The following DENND2C variants were observed in gnomAD, a reference collection of about 807,000 sequenced individuals.
DENND2C encodes DENN domain containing 2C.
A neutral mutation model predicts 112.4 loss-of-function variants in DENND2C; 72 were observed. The ratio of observed to expected loss-of-function variants is 0.64; its 90% CI spans 0.53 to 0.78. DENND2C has a LOEUF of 0.78. Ranked by LOEUF, DENND2C falls within the 30% of genes least tolerant of loss-of-function variation. DENND2C has a pLI of 0.00. For missense variants in DENND2C, 992 were observed against 1,113.8 expected (o/e 0.89, Z 1.56); for synonymous variants, 329 against 381.6 (o/e 0.86, Z 1.61).
At chr1:114,589,597 T>C (rs2101639204) in intron 18 of DENND2C, among the ~76,000 whole-genome samples, 2 of 152,104 alleles carry the variant, frequency 1.3e-5, no homozygotes, top group South Asian at 4.2e-4. Context: ...GGTATTGAAC[T>C]TATCCTGCCT....
intron 2 of DENND2C, 118 bp from the exon 3 acceptor site, chr1:114,645,677 T>C (rs1035933063): frequency 3.9e-5 from 6 of 152,340 alleles, no homozygotes; most frequent in African/African-American, 1.2e-4. Flanking sequence ...CTATTCACCT[T>C]AAATTAAGCA....
chr1:114,620,593 G>A (rs1000931144), intron 7 of DENND2C, among the ~76,000 whole-genome samples: 1 of 152,024 alleles, frequency 6.6e-6, no homozygotes, highest in African/African-American at 2.4e-5. Context: ...GTTGTTGCTG[G>A]GCCATGTGGG....
At chr1:114,594,224 G>T (rs1655277059) in intron 18 of DENND2C, among the ~76,000 whole-genome samples, 1 of 152,192 alleles carries the variant, frequency 6.6e-6, no homozygotes. Flanking sequence ...CCTACAGGAA[G>T]AAAGGGCAGG....
At chr1:114,632,930 G>T (rs188882733) in intron 3 of DENND2C, among the ~76,000 whole-genome samples, 2 of 151,930 alleles carry the variant, frequency 1.3e-5, no homozygotes, top group Non-Finnish European at 2.9e-5. Context: ...TAGATATCTG[G>T]ATCTAAAAAA....
Position 114,623,648 on chromosome 1 carries a change from A to G in DENND2C, c.807-5T>C, listed in dbSNP as rs41306201. The G allele has an allele frequency of 0.013, 20,088 of 1,581,766 alleles. 163 individuals are homozygous for G. Among genetic ancestry groups the G allele is most frequent in the Non-Finnish European group, 0.016 (18,366 of 1,166,662 alleles). The stretch of plus-strand genomic sequence containing the variant: ...TCCTCAAATTCAAAGGATTTCCTTA[A>G]AAAAGGAGATATATTTTAAAGTTAT... On this transcript the variant is annotated splice_polypyrimidine_tract_variant and splice_region_variant and intron_variant, in intron 4 of 20. Coordinates refer to ENST00000393274, the MANE Select transcript of DENND2C (RefSeq NM_001256404.2).
intron 3 of DENND2C, among the ~76,000 whole-genome samples, chr1:114,632,418 A>T (rs1213986975): frequency 2.0e-5 from 3 of 152,062 alleles, no homozygotes; most frequent in Non-Finnish European, 2.9e-5. Context: ...GAGAAAAAAA[A>T]TATATATACA....
chr1:114,653,282 T>C (rs1285425839), intron 2 of DENND2C, among the ~76,000 whole-genome samples: 1 of 151,936 alleles, frequency 6.6e-6, no homozygotes, highest in Non-Finnish European at 1.5e-5. Flanking sequence ...AATTCTGGTA[T>C]GTTTTTAGTA....
At chr1:114,622,182 T>C (rs1254488697) in intron 6 of DENND2C, 117 bp from the exon 7 acceptor site, 4 of 1,057,990 alleles carry the variant, frequency 3.8e-6, no homozygotes, top group Non-Finnish European at 5.3e-6. Flanking sequence ...GGCACGATCA[T>C]GGCTCATTGC....
chr1:114,589,891 C>T (rs956303415), intron 18 of DENND2C, among the ~76,000 whole-genome samples: 4 of 152,134 alleles, frequency 2.6e-5, no homozygotes, highest in Admixed American at 6.5e-5. Context: ...GTTTCCTATG[C>T]GACTCCAATG....
intron 8 of DENND2C, among the ~76,000 whole-genome samples, chr1:114,614,674 C>A (rs973807120): frequency 1.3e-5 from 2 of 152,022 alleles, no homozygotes; most frequent in African/African-American, 4.8e-5. Flanking sequence ...TGTTCCTAAT[C>A]CATAAGGCAT....
chr1:114,650,996 C>A (rs1357714058), intron 2 of DENND2C, among the ~76,000 whole-genome samples: 2 of 151,882 alleles, frequency 1.3e-5, no homozygotes, highest in Admixed American at 1.3e-4. Context: ...GTAGTCCCAG[C>A]TACTTGGGAG....
chr1:114,600,776 T>A, intron 14 of DENND2C, 44 bp downstream of exon 14: 1 of 1,593,032 alleles, frequency 6.3e-7, no homozygotes, highest in Non-Finnish European at 8.5e-7. Flanking sequence ...GTGTAAGTCC[T>A]GCTTTTTAGT....
intron 12 of DENND2C, 83 bp from the exon 13 acceptor site, chr1:114,601,668 T>G (rs1655508140): frequency 3.2e-6 from 4 of 1,233,026 alleles, no homozygotes; most frequent in Non-Finnish European, 4.7e-6. Flanking sequence ...AATTATCTTT[T>G]ACTACTCTTT....
intron 18 of DENND2C, among the ~76,000 whole-genome samples, chr1:114,590,056 C>A (rs1163177985): frequency 6.6e-6 from 1 of 152,098 alleles, no homozygotes; most frequent in Non-Finnish European, 1.5e-5. Context: ...ATATTGTATT[C>A]TTCTGCAACT....
Position 114,590,175 on chromosome 1 carries a change from C to A in DENND2C, c.2432-2223G>T, listed in dbSNP as rs1284806116. Among the ~76,000 whole-genome samples, 4 of 152,262 alleles carry A rather than the reference C, an allele frequency of 2.6e-5. No homozygotes were observed. In the South Asian group the frequency reaches 8.3e-4, roughly 32 times the overall value. On this transcript the variant is annotated intron_variant, in intron 18 of 20. Transcript: ENST00000393274. ...TCAGGAGACTGAAGCAGGCAGCTCA[C>A]CTGAGCCCAAGAGCTTAGGACAAGG...
chr1:114,583,818 A>C lies in DENND2C; in HGVS notation c.*1782T>G, dbSNP rs1279891382. 1 of 143,656 alleles carries C rather than the reference A, an allele frequency of 7.0e-6. No individual in the cohort carries two copies. Among genetic ancestry groups the C allele is most frequent in the East Asian group, 2.0e-4 (1 of 4,904 alleles). The allele number at this position is 143,656 out of a possible 1,614,324, so 8.9% of individuals were successfully genotyped here. A position where few individuals can be genotyped will look rare whatever the true frequency, so the allele number is the denominator to read the frequency against. ...GCGAAACTCCATCTCAAAAAAAAAA[A>C]AAAAAAACCGAAACAAAACACACAC... On this transcript the variant is annotated 3_prime_UTR_variant, in exon 21 of 21. Transcript: ENST00000393274.
At chr1:114,663,598 G>C (rs1199476332) in intron 1 of DENND2C, among the ~76,000 whole-genome samples, 1 of 152,166 alleles carries the variant, frequency 6.6e-6, no homozygotes, top group Non-Finnish European at 1.5e-5. Context: ...GTTAAGGTTG[G>C]CAGACTATGG....
At chr1:114,618,554 A>G in intron 7 of DENND2C, 72 bp from the exon 8 acceptor site, 1 of 846,694 alleles carries the variant, frequency 1.2e-6, no homozygotes, top group Non-Finnish European at 1.8e-6. Context: ...ACATTAATCT[A>G]TTAGGGATTC....
At chr1:114,591,674 A>G (rs1218360585) in intron 18 of DENND2C, among the ~76,000 whole-genome samples, 1 of 152,000 alleles carries the variant, frequency 6.6e-6, no homozygotes, top group Admixed American at 6.5e-5. Context: ...TTTGTGCCGT[A>G]TTTTTAAGAA....
Sources: allele counts gnomAD v4.1 joint callset (sites outside exome capture counted in the v4.1 genomes callset), GRCh38; gene constraint gnomAD v4.1.1; transcripts MANE v1.5; gene names NCBI Gene and HGNC (gene_info 2026-07-23, HGNC 2026-07-21).